CYFIP1: variants seen among roughly 807,000 people sequenced by gnomAD.
The protein encoded by CYFIP1 is cytoplasmic FMR1-interacting protein 1.
Under a neutral mutation model 163.5 loss-of-function variants are expected in CYFIP1, and 58 were observed. That is an observed-to-expected ratio of 0.35 (90% CI 0.29 to 0.44). The LOEUF (loss-of-function observed/expected upper bound fraction) is 0.44, where lower values mean the gene tolerates loss of function less well. Ranked by LOEUF, CYFIP1 falls within the 20% of genes least tolerant of loss-of-function variation. CYFIP1 has a pLI of 1.00. For synonymous variants in CYFIP1, 663 were observed against 660.7 expected, an observed-to-expected ratio of 1.00 and a Z score of -0.05; for missense variants, 1,338 against 1,653.8, an observed-to-expected ratio of 0.81 and a Z score of 3.31.
chr15:22,873,582 G>C lies in CYFIP1; in HGVS notation c.3358C>G (p.His1120Asp). ...TGAAACTCCACACACTCGTCCACAT[G>C]CATGACCCCATTGCTGGGCAGAGGC... ...RGPLPSNGVMHVDECVEFHRL... is the reference protein window; with the variant it reads ...RGPLPSNGVMDVDECVEFHRL... Residue 1120 changes from histidine (H) to aspartate (D), a missense_variant, in exon 29 of 31, where the codon CAT (histidine) becomes GAT (aspartate). His to Asp is a moderately conservative substitution (Grantham distance 81). Transcript: ENST00000617928. 1.2e-6 allele frequency: 2 copies of C among 1,614,252 alleles called. No individual in the cohort carries two copies. Among genetic ancestry groups the C allele is most frequent in the Non-Finnish European group, 1.7e-6 (2 of 1,180,042 alleles).
At chr15:22,915,130 C>CTT (rs397783359) in intron 16 of CYFIP1, 4,868 of 295,800 alleles carry the variant, frequency 0.016, 9 homozygotes, top group East Asian at 0.035. Context: ...GGGAAAGTGT[C>CTT]TTTTTTTTTT....
chr15:22,947,159 G>C lies in CYFIP1; in HGVS notation c.117+10C>G. On this transcript the variant is annotated intron_variant, in intron 2 of 30. Coordinates refer to ENST00000617928, the MANE Select transcript of CYFIP1 (RefSeq NM_014608.6). ...ACAGGCTGTACGCCCTGCAGCTGCTGGGCACCCACCTGGTAGAGCAGCGAG... is the reference window on the plus strand; with the variant it reads ...ACAGGCTGTACGCCCTGCAGCTGCTCGGCACCCACCTGGTAGAGCAGCGAG... 1 of 1,614,078 alleles carries C rather than the reference G, an allele frequency of 6.2e-7. No individual in the cohort carries two copies. Among genetic ancestry groups the C allele is most frequent in the Non-Finnish European group, 8.5e-7 (1 of 1,179,944 alleles).
At chr15:22,972,944 T>C (rs1185873077) in intron 1 of CYFIP1, among the ~76,000 whole-genome samples, 1 of 152,130 alleles carries the variant, frequency 6.6e-6, no homozygotes, top group East Asian at 1.9e-4. Flanking sequence ...GAGACTAGCC[T>C]GGCCAACATG....
Position 22,929,706 on chromosome 15 carries a change from C to T in CYFIP1, c.1111-1678G>A, listed in dbSNP as rs548617997. Among the ~76,000 whole-genome samples the T allele has an allele frequency of 4.3e-4, 62 of 145,744 alleles. No homozygotes were observed. In the East Asian group the frequency reaches 0.01, roughly 24 times the overall value. On this transcript the variant is annotated intron_variant, in intron 11 of 30. Transcript: ENST00000617928. Reference sequence around the variant, plus strand: ...ATCCCAGCACTTTGGGAGGCCGAGACGGGCGGATCACGAGGTCAGGAGATC... The same window carrying T: ...ATCCCAGCACTTTGGGAGGCCGAGATGGGCGGATCACGAGGTCAGGAGATC...
chr15:22,885,739 C>A (rs1224146290), intron 23 of CYFIP1, among the ~76,000 whole-genome samples: 3 of 151,972 alleles, frequency 2.0e-5, no homozygotes, highest in African/African-American at 7.3e-5. Context: ...TTTCAAAAAA[C>A]AAACAAACAA....
At chr15:22,933,695 G>A (rs987830648) in intron 10 of CYFIP1, 107 bp downstream of exon 10, 2 of 765,136 alleles carry the variant, frequency 2.6e-6, no homozygotes, top group Non-Finnish European at 2.2e-6. Context: ...ATTCCAGGCT[G>A]AGAATGTTAA....
At chr15:22,948,359 G>A (rs1216881333) in intron 1 of CYFIP1, among the ~76,000 whole-genome samples, 1 of 152,202 alleles carries the variant, frequency 6.6e-6, no homozygotes, top group African/African-American at 2.4e-5. Context: ...CACACAGGGG[G>A]CAGGTCCAAG....
chr15:22,890,138 C>T lies in CYFIP1; in HGVS notation c.2676+2752G>A, dbSNP rs1050111246. ...CCAACATGGTGAAACCCCATCTCTA[C>T]TAAAAAAAAAAAAAATACAAAAAAT... is the stretch of plus-strand genomic sequence containing the variant. On this transcript the variant is annotated intron_variant, in intron 23 of 30. Coordinates refer to ENST00000617928, the MANE Select transcript of CYFIP1 (RefSeq NM_014608.6). Among the ~76,000 whole-genome samples the T allele has an allele frequency of 8.7e-5, 13 of 148,754 alleles. No individual in the cohort carries two copies. The East Asian group carries it at 2.5e-3, about 29-fold the overall frequency.
In CYFIP1 at chr15:22,881,856, G is replaced by A. The variant is rs138428449; in HGVS notation, c.2901C>T (p.Tyr967=). 16 of 1,611,024 alleles carry A rather than the reference G, an allele frequency of 9.9e-6. No homozygotes were observed. The East Asian group carries it at 1.3e-4, about 13-fold the overall frequency. Residue 967 remains tyrosine (Y), a synonymous_variant, in exon 25 of 31, where the codon TAC becomes TAT. Transcript: ENST00000617928. Reference sequence around the variant, plus strand: ...CACGCCCGCACTCACCAGGAGAGCCGTACTCGTGCCGGGGCAGGCGGCAGA... The same window carrying A: ...CACGCCCGCACTCACCAGGAGAGCCATACTCGTGCCGGGGCAGGCGGCAGA... The part of the protein sequence containing the change: ...PKICRLPRHE[Y]GSPGILEFFH...
At chr15:22,903,595 G>A in intron 22 of CYFIP1, 111 bp downstream of exon 22, 1 of 1,143,034 alleles carries the variant, frequency 8.7e-7, no homozygotes, top group Non-Finnish European at 1.3e-6. Context: ...GAGAAGTGAT[G>A]GGGAGCAGCA....
intron 1 of CYFIP1, among the ~76,000 whole-genome samples, chr15:22,948,754 T>C (rs2062143417): frequency 1.5e-5 from 2 of 133,996 alleles, no homozygotes; most frequent in African/African-American, 2.9e-5. Flanking sequence ...CAAAACAAGA[T>C]ATAAAGAAGA....
rs1434325142 is a variant in CYFIP1, at chr15:22,867,299, C to T, written c.*2729G>A. 2 of 398,136 alleles carry T rather than the reference C, an allele frequency of 5.0e-6. No individual in the cohort carries two copies. Among genetic ancestry groups the T allele is most frequent in the Admixed American group, 4.4e-5 (1 of 22,696 alleles). 24.7% of individuals were successfully genotyped at this position (398,136 alleles called of 1,614,324 possible). A position where few individuals can be genotyped will look rare whatever the true frequency, so the allele number is the denominator to read the frequency against. On this transcript the variant is annotated 3_prime_UTR_variant, in exon 31 of 31. Transcript: ENST00000617928. ...ATTTACCTTACCTACAAAAGTGGCTCCTGTTTGTTTGATGATGATTGGTTT... is the reference window on the plus strand; with the variant it reads ...ATTTACCTTACCTACAAAAGTGGCTTCTGTTTGTTTGATGATGATTGGTTT...
At chr15:22,870,619 C>T (rs2059408048) in intron 30 of CYFIP1, among the ~76,000 whole-genome samples, 1 of 152,186 alleles carries the variant, frequency 6.6e-6, no homozygotes, top group Non-Finnish European at 1.5e-5. Flanking sequence ...CAGCCACATA[C>T]CATCTCTTTA....
chr15:22,913,929 C>T (rs561154143), intron 17 of CYFIP1, among the ~76,000 whole-genome samples: 15 of 152,338 alleles, frequency 9.8e-5, no homozygotes, highest in East Asian at 7.7e-4. Context: ...TGAGGACTGA[C>T]GCACAAGGAA....
At chr15:22,933,126 G>A (rs1051213335) in intron 10 of CYFIP1, among the ~76,000 whole-genome samples, 38 of 151,680 alleles carry the variant, frequency 2.5e-4, no homozygotes, top group African/African-American at 9.0e-4. Flanking sequence ...GAGCCACCGC[G>A]CCCCACCCTC....
At chr15:22,912,139 T>C (rs1194693195) in intron 18 of CYFIP1, 40 bp downstream of exon 18, 14 of 1,514,012 alleles carry the variant, frequency 9.2e-6, no homozygotes, top group Non-Finnish European at 1.3e-5. Context: ...GGAGATTTAA[T>C]TGAAGGAAAT....
Position 22,910,725 on chromosome 15 carries a change from C to A in CYFIP1, c.2159+12G>T, listed in dbSNP as rs1292328763. 10 of 1,611,740 alleles carry A rather than the reference C, an allele frequency of 6.2e-6. No individual in the cohort carries two copies. Among genetic ancestry groups the A allele is most frequent in the Admixed American group, 5.0e-5 (3 of 60,014 alleles). On this transcript the variant is annotated intron_variant, in intron 19 of 30. Transcript: ENST00000617928. ...AAACGTTTTGTATCAAAATCACACA[C>A]CAGATACTCACCTTCCTGCCATAAC... is the stretch of plus-strand genomic sequence containing the variant.
At position 22,926,119 on chromosome 15, in the gene CYFIP1, G is replaced by A. The variant is rs200834981; in HGVS notation, c.1234-12C>T. ...AGCTTCCAGGAATACTGTGGTGGCC[G>A]AAAGAGCAGAGGTGTTCCATATTGC... On this transcript the variant is annotated splice_polypyrimidine_tract_variant and intron_variant, in intron 12 of 30. Coordinates refer to ENST00000617928, the MANE Select transcript of CYFIP1 (RefSeq NM_014608.6). 366 of 1,614,040 alleles carry A rather than the reference G, an allele frequency of 2.3e-4. 1 individual carries two copies. In the East Asian group the frequency reaches 2.7e-3, roughly 12 times the overall value.
At chr15:22,887,638 G>T (rs772612656) in intron 23 of CYFIP1, among the ~76,000 whole-genome samples, 1 of 152,146 alleles carries the variant, frequency 6.6e-6, no homozygotes, top group Non-Finnish European at 1.5e-5. Flanking sequence ...CCCAGTGTCC[G>T]GTTTCCCAGT....
Sources: gnomAD v4.1 joint callset for allele counts (sites outside exome capture counted in the v4.1 genomes callset) on GRCh38, gnomAD v4.1.1 for gene constraint, MANE v1.5 for transcripts, NCBI Gene and HGNC (gene_info 2026-07-23, HGNC 2026-07-21) for gene names.